The following ST8SIA1 variants were observed in gnomAD, a reference collection of about 807,000 sequenced individuals.
ST8SIA1 encodes ST8 alpha-N-acetyl-neuraminide alpha-2,8-sialyltransferase 1.
ST8SIA1 carries 16 observed loss-of-function variants against 35.9 expected under a neutral mutation model. The ratio of observed to expected loss-of-function variants is 0.45; its 90% confidence interval spans 0.30 to 0.68. The LOEUF (loss-of-function observed/expected upper bound fraction) is 0.68, where lower values mean the gene tolerates loss of function less well. ST8SIA1 is among the 30% of genes least tolerant of loss of function. The probability of loss-of-function intolerance (pLI) is 0.09; values close to 1 mark genes in which losing one functional copy is unlikely to be tolerated. For missense variants in ST8SIA1, 383 were observed against 453.6 expected (o/e 0.84, Z 1.41); for synonymous variants, 170 against 169.6 (o/e 1.00, Z -0.02).
At chr12:22,219,719 C>A (rs752694986) in intron 4 of ST8SIA1, among the ~76,000 whole-genome samples, 1 of 152,092 alleles carries the variant, frequency 6.6e-6, no homozygotes, top group Non-Finnish European at 1.5e-5. Flanking sequence ...TCTGGGAAAG[C>A]AAATGGAAAT....
At chr12:22,315,936 C>T (rs1417791275) in intron 1 of ST8SIA1, among the ~76,000 whole-genome samples, 2 of 152,020 alleles carry the variant, frequency 1.3e-5, no homozygotes, top group African/African-American at 4.8e-5. Context: ...ACACGTTTAC[C>T]TGTGTAACAA....
rs201554789 is a variant in ST8SIA1 at position 22,202,022 on chromosome 12, A to G, written c.601T>C (p.Trp201Arg). The change falls in exon 5 of 5, where the codon TGG (tryptophan) becomes CGG (arginine). Residue 201 changes from tryptophan to arginine, a missense_variant. Physicochemically the swap from Trp to Arg is moderately radical, Grantham distance 101. Transcript: ENST00000396037. Reference protein sequence around the residue: ...IIRQRFQNLLWSRKTFVDNMK... With the variant: ...IIRQRFQNLLRSRKTFVDNMK... ...TTGTCCACAAATGTCTTTCTGGACC[A>G]CAGAAGGTTCTGAAACCTATTGAAG... The G allele has an allele frequency of 6.2e-7, 1 of 1,602,096 alleles. No individual in the cohort carries two copies. The highest frequency in any genetic ancestry group is 1.3e-5 in the African/African-American group (1 of 74,074).
At chr12:22,323,857 G>T (rs1866637555) in intron 1 of ST8SIA1, among the ~76,000 whole-genome samples, 1 of 152,110 alleles carries the variant, frequency 6.6e-6, no homozygotes, top group Non-Finnish European at 1.5e-5. Flanking sequence ...TCAGGGTTGG[G>T]GTGAGGGAAG....
chr12:22,220,397 G>C lies in ST8SIA1; in HGVS notation c.585-18359C>G, dbSNP rs1199711972. Among the ~76,000 whole-genome samples the C allele has an allele frequency of 2.0e-5, 3 of 152,116 alleles. No homozygotes were observed. In the East Asian group the frequency reaches 5.8e-4, roughly 29 times the overall value. Reference sequence around the variant, plus strand: ...TGTTTAATAAATGCATATTGAATAAGAGAGAGAGACAGAGAAGGAAAACAA... The same window carrying C: ...TGTTTAATAAATGCATATTGAATAACAGAGAGAGACAGAGAAGGAAAACAA... On this transcript the variant is annotated intron_variant, in intron 4 of 4. Transcript: ENST00000396037.
chr12:22,227,532 A>T (rs1306606909), intron 4 of ST8SIA1, among the ~76,000 whole-genome samples: 1 of 152,092 alleles, frequency 6.6e-6, no homozygotes, highest in Non-Finnish European at 1.5e-5. Flanking sequence ...AGATCGTGCC[A>T]TTGCACTCCA....
At chr12:22,331,757 C>T (rs1224506256) in intron 1 of ST8SIA1, among the ~76,000 whole-genome samples, 2 of 152,154 alleles carry the variant, frequency 1.3e-5, no homozygotes, top group Admixed American at 6.5e-5. Context: ...TGTTCATTAG[C>T]GTTAAGTGTA....
At chr12:22,209,959 G>A (rs917150843) in intron 4 of ST8SIA1, among the ~76,000 whole-genome samples, 13 of 152,156 alleles carry the variant, frequency 8.5e-5, no homozygotes, top group Admixed American at 7.2e-4. Flanking sequence ...CAGGAAGGGT[G>A]CCTGGCACGT....
intron 1 of ST8SIA1, among the ~76,000 whole-genome samples, chr12:22,312,414 A>G (rs1294856708): frequency 2.6e-5 from 4 of 152,190 alleles, no homozygotes; most frequent in African/African-American, 9.7e-5. Flanking sequence ...CAGAACTGCC[A>G]CATGTGAGAG....
At chr12:22,242,453 A>AAT (rs1222053024) in intron 4 of ST8SIA1, among the ~76,000 whole-genome samples, 4 of 152,258 alleles carry the variant, frequency 2.6e-5, no homozygotes, top group African/African-American at 4.8e-5. Context: ...AAATTCTGAC[A>AAT]ATATATATAT....
chr12:22,228,758 T>A (rs1178808582), intron 4 of ST8SIA1, among the ~76,000 whole-genome samples: 2 of 151,980 alleles, frequency 1.3e-5, no homozygotes, highest in African/African-American at 4.8e-5. Flanking sequence ...CGAGATTCCA[T>A]TTAAAAATTA....
chr12:22,317,104 T>A (rs1461002981), intron 1 of ST8SIA1, among the ~76,000 whole-genome samples: 3 of 151,648 alleles, frequency 2.0e-5, no homozygotes, highest in Admixed American at 6.6e-5. Context: ...TTTTAAGGCA[T>A]TTTTTTTATT....
At chr12:22,313,684 T>G (rs374060302) in intron 1 of ST8SIA1, among the ~76,000 whole-genome samples, 7 of 152,188 alleles carry the variant, frequency 4.6e-5, no homozygotes, top group African/African-American at 1.7e-4. Context: ...TAAAGCCAAT[T>G]TACCAATTTT....
intron 1 of ST8SIA1, among the ~76,000 whole-genome samples, chr12:22,301,876 A>G (rs1866322146): frequency 1.3e-5 from 2 of 152,152 alleles, no homozygotes; most frequent in African/African-American, 4.8e-5. Context: ...TAGGTATTTG[A>G]TGGTACAAAT....
At position 22,195,951 on chromosome 12, in the gene ST8SIA1, T is replaced by A. The variant is rs1325606588; in HGVS notation, c.*5601A>T. On this transcript the variant is annotated 3_prime_UTR_variant, in exon 5 of 5. Coordinates refer to ENST00000396037, the MANE Select transcript of ST8SIA1 (RefSeq NM_003034.4). ...AAATAAACATCAAAAGAAAGTTTAA[T>A]TACATAGAAGCAGAAAGAGGCAGGA... The A allele has an allele frequency of 7.3e-6, 1 of 137,712 alleles. No individual in the cohort carries two copies. Among genetic ancestry groups the A allele is most frequent in the Non-Finnish European group, 1.7e-5 (1 of 58,474 alleles). 8.5% of individuals were successfully genotyped at this position (137,712 alleles called of 1,614,324 possible).
intron 2 of ST8SIA1, among the ~76,000 whole-genome samples, chr12:22,256,674 C>A (rs1179230348): frequency 1.3e-5 from 2 of 152,134 alleles, no homozygotes; most frequent in Non-Finnish European, 2.9e-5. Flanking sequence ...CCACTTAATG[C>A]AGCATAAGAA....
intron 1 of ST8SIA1, among the ~76,000 whole-genome samples, chr12:22,290,098 G>A (rs946994028): frequency 2.0e-5 from 3 of 152,186 alleles, no homozygotes; most frequent in African/African-American, 7.2e-5. Flanking sequence ...TTTCACATGT[G>A]TAGAAATATT....
chr12:22,284,396 A>G (rs1358630800), intron 2 of ST8SIA1, among the ~76,000 whole-genome samples: 3 of 152,138 alleles, frequency 2.0e-5, no homozygotes, highest in Non-Finnish European at 2.9e-5. Context: ...TGCACACGCT[A>G]TTTTCTTCCC....
chr12:22,234,755 C>T (rs552326237), intron 4 of ST8SIA1, among the ~76,000 whole-genome samples: 3 of 152,256 alleles, frequency 2.0e-5, no homozygotes, highest in African/African-American at 7.2e-5. Flanking sequence ...ACTATGTACT[C>T]CCAGTGCCAA....
intron 1 of ST8SIA1, among the ~76,000 whole-genome samples, chr12:22,327,232 A>G (rs914989205): frequency 4.6e-5 from 7 of 152,236 alleles, no homozygotes; most frequent in African/African-American, 1.7e-4. Flanking sequence ...ACAAATCTGC[A>G]TAACAATCTG....
Sources: gnomAD v4.1 joint callset for allele counts (sites outside exome capture counted in the v4.1 genomes callset) on GRCh38, gnomAD v4.1.1 for gene constraint, MANE v1.5 for transcripts, NCBI Gene and HGNC (gene_info 2026-07-23, HGNC 2026-07-21) for gene names.